ADGRB3: variants seen among roughly 807,000 people sequenced by gnomAD.
The protein encoded by ADGRB3 is adhesion G protein-coupled receptor B3.
ADGRB3 carries 37 observed loss-of-function variants against 193.4 expected under a neutral mutation model. The ratio of observed to expected loss-of-function variants is 0.19; its 90% confidence interval spans 0.15 to 0.25. The LOEUF (loss-of-function observed/expected upper bound fraction) is 0.25. ADGRB3 is among the 10% of genes least tolerant of loss of function. The pLI, the probability that ADGRB3 is intolerant of heterozygous loss-of-function variation, is 1.00. For synonymous variants in ADGRB3, 690 were observed against 644.2 expected, an observed-to-expected ratio of 1.07 and a Z score of -1.08; for missense variants, 1,637 against 1,852.9, an observed-to-expected ratio of 0.88 and a Z score of 2.14.
intron 3 of ADGRB3, among the ~76,000 whole-genome samples, chr6:68,650,990 T>C (rs1768352869): frequency 6.6e-6 from 1 of 152,322 alleles, no homozygotes; most frequent in South Asian, 2.1e-4. Context: ...CTTATAAAAA[T>C]TGTAATGTAA....
At chr6:68,974,920 T>A (rs551424073) in intron 9 of ADGRB3, 56 bp downstream of exon 9, 1 of 1,439,912 alleles carries the variant, frequency 6.9e-7, no homozygotes, top group African/African-American at 1.4e-5. Flanking sequence ...AAGAACAGCA[T>A]GCAGTGTTGG....
intron 3 of ADGRB3, among the ~76,000 whole-genome samples, chr6:68,663,848 C>A (rs1186238496): frequency 6.6e-6 from 1 of 151,750 alleles, no homozygotes; most frequent in African/African-American, 2.4e-5. Flanking sequence ...AAATATGATT[C>A]AAGTATTTTA....
At chr6:68,918,983 C>G (rs1766953846) in intron 3 of ADGRB3, among the ~76,000 whole-genome samples, 1 of 151,168 alleles carries the variant, frequency 6.6e-6, no homozygotes, top group Non-Finnish European at 1.5e-5. Flanking sequence ...AGTTTTTTTC[C>G]TCTGGTCTCA....
At chr6:69,058,340 T>G (rs762072983) in intron 15 of ADGRB3, among the ~76,000 whole-genome samples, 2 of 151,920 alleles carry the variant, frequency 1.3e-5, no homozygotes, top group East Asian at 1.9e-4. Context: ...TTCTTTTCAC[T>G]TACTCTTTTT....
intron 3 of ADGRB3, among the ~76,000 whole-genome samples, chr6:68,857,266 C>A (rs2150212523): frequency 6.6e-6 from 1 of 152,320 alleles, no homozygotes; most frequent in South Asian, 2.1e-4. Context: ...GGCCACTGTC[C>A]TCCAGACCCC....
At chr6:69,053,539 C>T (rs77400968) in intron 15 of ADGRB3, among the ~76,000 whole-genome samples, 14 of 152,320 alleles carry the variant, frequency 9.2e-5, no homozygotes, top group Non-Finnish European at 1.9e-4. Flanking sequence ...AGCACTGGGG[C>T]TGGCCTGGTG....
intron 17 of ADGRB3, among the ~76,000 whole-genome samples, chr6:69,147,304 C>T (rs1363787046): frequency 6.6e-6 from 1 of 152,196 alleles, no homozygotes; most frequent in South Asian, 2.1e-4. Context: ...CCTCTTAGTA[C>T]TGATTTCACT....
rs1768092019 is a variant in ADGRB3, at chr6:68,956,869, T to A, written c.1525+60T>A. 37 of 1,566,594 alleles carry A rather than the reference T, an allele frequency of 2.4e-5. 1 individual carries two copies. In the South Asian group the frequency reaches 4.1e-4, roughly 17 times the overall value. Reference sequence around the variant, plus strand: ...TTTCATAACGTGAAAAAAAAAAGATTTAAAAATATTGTCATTGGTTAAGGG... The same window carrying A: ...TTTCATAACGTGAAAAAAAAAAGATATAAAAATATTGTCATTGGTTAAGGG... On this transcript the variant is annotated intron_variant, in intron 8 of 31. Transcript: ENST00000370598.
At chr6:68,815,512 T>G (rs1401800139) in intron 3 of ADGRB3, among the ~76,000 whole-genome samples, 1 of 152,012 alleles carries the variant, frequency 6.6e-6, no homozygotes, top group Admixed American at 6.6e-5. Context: ...ATTTATTATC[T>G]TAATATAATT....
intron 3 of ADGRB3, among the ~76,000 whole-genome samples, chr6:68,672,888 A>G (rs1158601902): frequency 6.6e-6 from 1 of 152,118 alleles, no homozygotes; most frequent in Non-Finnish European, 1.5e-5. Context: ...GCAAAAAAGT[A>G]CTTCTGCTTC....
intron 31 of ADGRB3, among the ~76,000 whole-genome samples, chr6:69,386,398 C>A (rs1009382891): frequency 6.6e-6 from 1 of 152,052 alleles, no homozygotes; most frequent in Admixed American, 6.6e-5. Context: ...TCCCAGAAAT[C>A]TCCTTTAGAC....
intron 8 of ADGRB3, among the ~76,000 whole-genome samples, chr6:68,972,412 G>T (rs1768599636): frequency 6.6e-6 from 1 of 152,062 alleles, no homozygotes; most frequent in African/African-American, 2.4e-5. Context: ...GCATGGCCAG[G>T]CTCCCGAATG....
chr6:68,886,280 G>A (rs986472446), intron 3 of ADGRB3, among the ~76,000 whole-genome samples: 1 of 152,008 alleles, frequency 6.6e-6, no homozygotes, highest in African/African-American at 2.4e-5. Flanking sequence ...TTTACCTAAA[G>A]TACAGTACTC....
chr6:69,324,853 T>G lies in ADGRB3; in HGVS notation c.2815-19T>G. The G allele has an allele frequency of 1.2e-6, 2 of 1,610,770 alleles. No individual in the cohort carries two copies. Among genetic ancestry groups the G allele is most frequent in the South Asian group, 2.2e-5 (2 of 90,658 alleles). ...CTCCCAGGTTCAGTGTGAGTCTTTT[T>G]GTTTGTTTGTTTCCACAGAGTATCT... On this transcript the variant is annotated intron_variant, in intron 20 of 31. Transcript: ENST00000370598.
intron 16 of ADGRB3, among the ~76,000 whole-genome samples, chr6:69,063,921 G>C (rs532827807): frequency 6.6e-6 from 1 of 151,564 alleles, no homozygotes; most frequent in East Asian, 1.9e-4. Context: ...TCAGTTTCAT[G>C]ATTTACTTGT....
At chr6:68,806,368 T>C (rs1174949675) in intron 3 of ADGRB3, among the ~76,000 whole-genome samples, 2 of 152,156 alleles carry the variant, frequency 1.3e-5, no homozygotes, top group African/African-American at 2.4e-5. Flanking sequence ...GTTGTTAAAA[T>C]ATTTTAAATT....
chr6:69,026,636 T>C (rs1469173391), intron 13 of ADGRB3, among the ~76,000 whole-genome samples: 1 of 152,186 alleles, frequency 6.6e-6, no homozygotes, highest in Non-Finnish European at 1.5e-5. Flanking sequence ...CTATTTTGTT[T>C]TGCGAACATC....
intron 8 of ADGRB3, among the ~76,000 whole-genome samples, chr6:68,964,623 A>C (rs1171888303): frequency 6.6e-6 from 1 of 152,226 alleles, no homozygotes; most frequent in African/African-American, 2.4e-5. Context: ...ATAGCTTTTT[A>C]GAGTTATTCC....
At chr6:69,336,984 C>T (rs935225687) in intron 24 of ADGRB3, among the ~76,000 whole-genome samples, 1 of 152,040 alleles carries the variant, frequency 6.6e-6, no homozygotes, top group Non-Finnish European at 1.5e-5. Context: ...TTAGCCCTGA[C>T]TAAGGGAAGT....
Sources: allele counts gnomAD v4.1 joint callset (sites outside exome capture counted in the v4.1 genomes callset), GRCh38; gene constraint gnomAD v4.1.1; transcripts MANE v1.5; gene names NCBI Gene and HGNC (gene_info 2026-07-23, HGNC 2026-07-21).